PRKCB: variants seen among roughly 807,000 people sequenced by gnomAD.
PRKCB encodes the protein protein kinase C beta, also known as protein kinase C beta type.
PRKCB carries 13 observed loss-of-function variants against 81.5 expected under a neutral mutation model. That is an observed-to-expected ratio of 0.16 (90% confidence interval 0.10 to 0.25). The LOEUF is 0.25. PRKCB is among the 10% of genes least tolerant of loss of function. The probability of loss-of-function intolerance (pLI) is 1.00; values close to 1 mark genes in which losing one functional copy is unlikely to be tolerated. For synonymous variants in PRKCB, 335 were observed against 321.4 expected, an observed-to-expected ratio of 1.04 and a Z score of -0.45; for missense variants, 509 against 875.7, an observed-to-expected ratio of 0.58 and a Z score of 5.29.
chr16:24,214,585 T>G, intron 16 of PRKCB, 73 bp from the exon 17 acceptor site: 1 of 1,252,406 alleles, frequency 8.0e-7, no homozygotes, highest in Non-Finnish European at 1.1e-6. Flanking sequence ...TTATGCTAGG[T>G]TCTGTTTTAT....
intron 5 of PRKCB, among the ~76,000 whole-genome samples, chr16:24,080,726 G>A (rs548667111): frequency 2.0e-5 from 3 of 152,210 alleles, no homozygotes; most frequent in African/African-American, 7.2e-5. Context: ...ACAAACTTCC[G>A]AATAATCCAT....
At chr16:24,113,674 G>A (rs1966705476) in intron 8 of PRKCB, among the ~76,000 whole-genome samples, 2 of 151,620 alleles carry the variant, frequency 1.3e-5, no homozygotes, top group African/African-American at 2.4e-5. Context: ...TTGCTGCTGT[G>A]CTGATTTTCC....
In PRKCB at chr16:24,040,502, G is replaced by A. The variant is rs150228956; in HGVS notation, c.529+4955G>A. On this transcript the variant is annotated intron_variant, in intron 5 of 16. Coordinates refer to ENST00000643927, the MANE Select transcript of PRKCB (RefSeq NM_002738.7). Reference sequence around the variant, plus strand: ...AACCTGAGCTTGGCCTTGTGAAAGGGGTGATTTTATGTTGGATTTGATTAA... The same window carrying A: ...AACCTGAGCTTGGCCTTGTGAAAGGAGTGATTTTATGTTGGATTTGATTAA... Among the ~76,000 whole-genome samples, 342 of 152,194 alleles carry A rather than the reference G, an allele frequency of 2.2e-3. 1 individual carries two copies. Among genetic ancestry groups the A allele is most frequent in the African/African-American group, 7.8e-3 (322 of 41,502 alleles).
chr16:24,015,207 T>G (rs1193939782), intron 3 of PRKCB, among the ~76,000 whole-genome samples: 2 of 152,164 alleles, frequency 1.3e-5, no homozygotes, highest in Non-Finnish European at 2.9e-5. Flanking sequence ...TCTCAGACAG[T>G]CTGGCCTTGA....
intron 5 of PRKCB, among the ~76,000 whole-genome samples, chr16:24,088,636 GT>G (rs1196889108): frequency 3.3e-5 from 5 of 151,058 alleles, no homozygotes; most frequent in Non-Finnish European, 7.4e-5. Context: ...TGCTGAGGTG[GT>G]AGCATCGCTT....
intron 9 of PRKCB, among the ~76,000 whole-genome samples, chr16:24,152,839 G>A (rs1424404193): frequency 7.0e-6 from 1 of 142,550 alleles, no homozygotes; most frequent in Non-Finnish European, 1.5e-5. Flanking sequence ...ACTCAGACTG[G>A]CAGCTTTTCT....
chr16:24,122,033 G>T (rs1265518891), intron 8 of PRKCB, among the ~76,000 whole-genome samples: 1 of 152,210 alleles, frequency 6.6e-6, no homozygotes, highest in Non-Finnish European at 1.5e-5. Flanking sequence ...GGAGAAAGAT[G>T]ATAAATTGGG....
Position 24,185,448 on chromosome 16 carries a change from C to T in PRKCB, c.1615-12C>T, listed in dbSNP as rs17847878. The T allele has an allele frequency of 4.8e-4, 769 of 1,610,988 alleles. 10 individuals carry two copies. In the East Asian group the frequency reaches 0.017, roughly 35 times the overall value. On this transcript the variant is annotated splice_polypyrimidine_tract_variant and intron_variant, in intron 14 of 16. Transcript: ENST00000643927. Reference sequence around the variant, plus strand: ...AGGGATTCTTCTCCTCCCACCCTCCCCTGTCATACAGGCACCCTTTGAAGG... The same window carrying T: ...AGGGATTCTTCTCCTCCCACCCTCCTCTGTCATACAGGCACCCTTTGAAGG...
chr16:23,943,114 C>T (rs1964158439), intron 2 of PRKCB, among the ~76,000 whole-genome samples: 2 of 152,194 alleles, frequency 1.3e-5, no homozygotes, highest in African/African-American at 4.8e-5. Flanking sequence ...CCAGTCTTTG[C>T]TCTGCCATCC....
intron 2 of PRKCB, among the ~76,000 whole-genome samples, chr16:23,971,044 T>C (rs1014035644): frequency 6.6e-6 from 1 of 152,238 alleles, no homozygotes; most frequent in Non-Finnish European, 1.5e-5. Flanking sequence ...AGATGTACTT[T>C]CTATGGTTGT....
chr16:23,914,090 A>G (rs539826199), intron 2 of PRKCB, among the ~76,000 whole-genome samples: 5 of 152,216 alleles, frequency 3.3e-5, no homozygotes, highest in African/African-American at 1.2e-4. Context: ...GCAGCCTCAA[A>G]TTCCCAGGCT....
intron 2 of PRKCB, among the ~76,000 whole-genome samples, chr16:23,845,905 G>T (rs1210565502): frequency 6.6e-6 from 1 of 152,084 alleles, no homozygotes; most frequent in Non-Finnish European, 1.5e-5. Flanking sequence ...AGCAAGTCTG[G>T]GCCAATAGAT....
At chr16:23,991,419 G>A (rs547938892) in intron 3 of PRKCB, among the ~76,000 whole-genome samples, 20 of 152,284 alleles carry the variant, frequency 1.3e-4, no homozygotes, top group African/African-American at 3.9e-4. Context: ...TAGCAAAATA[G>A]GCAGGGGAGT....
intron 2 of PRKCB, among the ~76,000 whole-genome samples, chr16:23,863,230 GTA>G (rs1303128855): frequency 2.7e-4 from 14 of 52,460 alleles, no homozygotes; most frequent in Admixed American, 8.0e-4. Context: ...ATATATATGT[GTA>G]TATATATACA....
intron 5 of PRKCB, among the ~76,000 whole-genome samples, chr16:24,049,047 GTTTTTTTTTTTTTT>G (rs1160842975): frequency 1.6e-4 from 8 of 49,656 alleles, no homozygotes; most frequent in Admixed American, 3.7e-4. Flanking sequence ...AAATTGGCCT[GTTTTTTTTTTTTTT>G]TTTTTTTTTT....
intron 9 of PRKCB, among the ~76,000 whole-genome samples, chr16:24,150,989 A>C (rs559193020): frequency 1.3e-5 from 2 of 152,308 alleles, no homozygotes; most frequent in South Asian, 2.1e-4. Context: ...TATCTGTACA[A>C]ATGCAATAGT....
intron 7 of PRKCB, among the ~76,000 whole-genome samples, chr16:24,108,956 G>A (rs887544581): frequency 6.7e-6 from 1 of 148,962 alleles, no homozygotes; most frequent in Non-Finnish European, 1.5e-5. Flanking sequence ...TCACTTCCCG[G>A]ATGGGGGGGC....
intron 3 of PRKCB, among the ~76,000 whole-genome samples, chr16:23,997,919 T>C (rs1432100243): frequency 6.6e-6 from 1 of 152,214 alleles, no homozygotes; most frequent in Non-Finnish European, 1.5e-5. Context: ...ATTTTGCACA[T>C]GCAGTTAACC....
At chr16:23,945,545 C>A (rs1964194922) in intron 2 of PRKCB, among the ~76,000 whole-genome samples, 1 of 152,130 alleles carries the variant, frequency 6.6e-6, no homozygotes, top group South Asian at 2.1e-4. Context: ...AATGAGGAGC[C>A]TCACTGTGGG....
Sources: gnomAD v4.1 joint callset for allele counts (sites outside exome capture counted in the v4.1 genomes callset) on GRCh38, gnomAD v4.1.1 for gene constraint, MANE v1.5 for transcripts, NCBI Gene and HGNC (gene_info 2026-07-23, HGNC 2026-07-21) for gene names.